PDIA4: variants seen among roughly 807,000 people sequenced by gnomAD.
PDIA4 encodes protein disulfide-isomerase A4.
Under a neutral mutation model 62.1 loss-of-function variants are expected in PDIA4, and 33 were observed. The ratio of observed to expected loss-of-function variants is 0.53; its 90% CI spans 0.40 to 0.71. The LOEUF is 0.71. Ranked by LOEUF, PDIA4 falls within the 30% of genes least tolerant of loss-of-function variation. The pLI is 0.00. For synonymous variants in PDIA4, 341 were observed against 324.1 expected (o/e 1.05, Z -0.56); for missense variants, 804 against 813.6 (o/e 0.99, Z 0.14).
At chr7:149,005,010 G>C (rs1272904872) in intron 9 of PDIA4, 131 bp downstream of exon 9, 6 of 722,668 alleles carry the variant, frequency 8.3e-6, no homozygotes, top group Non-Finnish European at 1.5e-5. Context: ...TCGGGGGTGA[G>C]AGAGGACTGC....
rs1362125608 is a variant in PDIA4, at chr7:149,021,092, A to ACCT, written c.143_144insAGG (p.Asp48delinsGluGly). 4.3e-6 allele frequency: 7 copies of ACCT among 1,611,926 alleles called. No individual in the cohort carries two copies. The highest frequency in any genetic ancestry group is 5.9e-6 in the Non-Finnish European group (7 of 1,178,724). On this transcript the variant is annotated protein_altering_variant, in exon 2 of 10. Coordinates refer to ENST00000652332, the MANE Select transcript of PDIA4 (RefSeq NM_004911.5). ...CCAAGTCGTCTTCTTCCTCATCATC[A>ACCT]TCTTCCTCCTCCTCCTCCTCTTCAT...
intron 8 of PDIA4, 56 bp from the exon 9 acceptor site, chr7:149,005,430 A>C: frequency 8.8e-7 from 1 of 1,134,348 alleles, no homozygotes; most frequent in Non-Finnish European, 1.3e-6. Flanking sequence ...GTCCCAGCTC[A>C]GACTCTGAGG....
Position 149,012,317 on chromosome 7 carries a change from C to A in PDIA4, c.658G>T (p.Ala220Ser). 1.9e-6 allele frequency: 3 copies of A among 1,613,872 alleles called. No homozygotes were observed. Among genetic ancestry groups the A allele is most frequent in the South Asian group, 1.1e-5 (1 of 91,064 alleles). Residue 220 changes from alanine to serine, a missense_variant, in exon 5 of 10, where the codon GCC (alanine) becomes TCC (serine). Physicochemically the swap from Ala to Ser is moderately conservative, Grantham distance 99. Coordinates refer to ENST00000652332, the MANE Select transcript of PDIA4 (RefSeq NM_004911.5). ...KKLAPEYEKA[A>S]KELSKRSPPI... ...GGAGAACGCTTGCTGAGCTCCTTGG[C>A]GGCCTTCTCATACTCGGGGGCAAGT... is the stretch of plus-strand genomic sequence containing the variant.
In PDIA4 at chr7:149,020,996, G is replaced by A. The variant is rs1563123642; in HGVS notation, c.240C>T (p.Asp80=). Residue 80 remains aspartate, a synonymous_variant, in exon 2 of 10, where the codon GAC becomes GAT. Coordinates refer to ENST00000652332, the MANE Select transcript of PDIA4 (RefSeq NM_004911.5). ...ANFDNFVADK[D]TVLLEFYAPW... ...GAGCATAAAACTCCAGCAGCACTGTGTCTTTGTCAGCCACAAAATTATCAA... is the reference window on the plus strand; with the variant it reads ...GAGCATAAAACTCCAGCAGCACTGTATCTTTGTCAGCCACAAAATTATCAA... 1 of 1,614,134 alleles carries A rather than the reference G, an allele frequency of 6.2e-7. No homozygotes were observed. Among genetic ancestry groups the A allele is most frequent in the Non-Finnish European group, 8.5e-7 (1 of 1,180,004 alleles).
intron 2 of PDIA4, 38 bp downstream of exon 2, chr7:149,020,929 C>A (rs188221785): frequency 1.2e-6 from 2 of 1,604,416 alleles, no homozygotes; most frequent in African/African-American, 2.7e-5. Context: ...TGGAGCACAG[C>A]GCTTGTCCAC....
chr7:149,016,304 AAAG>A, intron 3 of PDIA4, among the ~76,000 whole-genome samples: 1 of 152,194 alleles, frequency 6.6e-6, no homozygotes, highest in Non-Finnish European at 1.5e-5. Flanking sequence ...CATCTAAAAT[AAAG>A]AAGTACTCAA....
chr7:149,014,889 C>T lies in PDIA4; in HGVS notation c.614+15G>A. ...CCAGGGTACTGAATATGGAAAGGGC[C>T]TGACACCACCTTACCATGGGGCATA... On this transcript the variant is annotated intron_variant, in intron 4 of 9. Transcript: ENST00000652332. The T allele has an allele frequency of 6.2e-7, 1 of 1,613,460 alleles. No individual in the cohort carries two copies. The highest frequency in any genetic ancestry group is 8.5e-7 in the Non-Finnish European group (1 of 1,179,462).
intron 6 of PDIA4, among the ~76,000 whole-genome samples, chr7:149,008,948 C>T (rs550709317): frequency 2.6e-5 from 4 of 151,716 alleles, no homozygotes; most frequent in East Asian, 3.9e-4. Flanking sequence ...TTATTTGAGA[C>T]GGGGTCTTGC....
intron 6 of PDIA4, among the ~76,000 whole-genome samples, chr7:149,009,845 C>A (rs543971302): frequency 6.6e-6 from 1 of 152,218 alleles, no homozygotes; most frequent in Non-Finnish European, 1.5e-5. Flanking sequence ...CTAGATTCTA[C>A]AGGTAAATGC....
At position 149,020,971 on chromosome 7, in the gene PDIA4, G is replaced by C. The variant is rs988132004; in HGVS notation, c.265C>G (p.Pro89Ala). The C allele has an allele frequency of 1.2e-6, 2 of 1,614,018 alleles. No individual in the cohort carries two copies. The highest frequency in any genetic ancestry group is 1.7e-6 in the Non-Finnish European group (2 of 1,179,900). Residue 89 changes from proline to alanine, a missense_variant, in exon 2 of 10, where the codon CCA becomes GCA. Physicochemically the swap from Pro to Ala is conservative, Grantham distance 27 (BLOSUM62 -1). Transcript: ENST00000652332. ...AAATTAGAACGCGGTCCTTACCATG[G>C]AGCATAAAACTCCAGCAGCACTGTG... ...KDTVLLEFYA[P>A]WCGHCKQFAP...
intron 4 of PDIA4, among the ~76,000 whole-genome samples, chr7:149,013,383 A>C (rs1824019816): frequency 6.6e-6 from 1 of 152,172 alleles, no homozygotes; most frequent in South Asian, 2.1e-4. Flanking sequence ...TTGCAACTTC[A>C]AAACCATTTG....
intron 4 of PDIA4, among the ~76,000 whole-genome samples, chr7:149,014,642 A>C (rs1824066683): frequency 6.6e-6 from 1 of 150,632 alleles, no homozygotes; most frequent in Non-Finnish European, 1.5e-5. Context: ...CACTCCGACC[A>C]CCTCTCTTTC....
At chr7:149,027,219 T>C (rs1824588594) in intron 1 of PDIA4, among the ~76,000 whole-genome samples, 2 of 152,208 alleles carry the variant, frequency 1.3e-5, no homozygotes, top group Admixed American at 6.5e-5. Flanking sequence ...ATAAACACTA[T>C]TTAAACAAAC....
intron 1 of PDIA4, among the ~76,000 whole-genome samples, chr7:149,023,151 G>A (rs1824415772): frequency 1.3e-5 from 2 of 152,162 alleles, no homozygotes; most frequent in South Asian, 4.2e-4. Context: ...CCTGGGCGCA[G>A]GCCCACCTCC....
In PDIA4 at chr7:149,028,010, G is replaced by A. The variant is rs770787136; in HGVS notation, c.88+311C>T. 1.8e-4 allele frequency: 105 copies of A among 581,704 alleles called. 1 individual carries two copies. Among genetic ancestry groups the A allele is most frequent in the Non-Finnish European group, 2.9e-4 (86 of 298,348 alleles). 36.0% of individuals were successfully genotyped at this position (581,704 alleles called of 1,614,324 possible). ...ACGAAAATCTGTAAATTAAGGCGAA[G>A]GACCCAGCTGCAAAAAAGGCGCTCT... is the stretch of plus-strand genomic sequence containing the variant. On this transcript the variant is annotated intron_variant, in intron 1 of 9. Coordinates refer to ENST00000652332, the MANE Select transcript of PDIA4 (RefSeq NM_004911.5).
intron 6 of PDIA4, among the ~76,000 whole-genome samples, chr7:149,008,647 G>T (rs1469408982): frequency 2.6e-5 from 4 of 151,854 alleles, no homozygotes; most frequent in African/African-American, 7.3e-5. Context: ...GGTGGACGTT[G>T]TAGTGAGCCG....
intron 1 of PDIA4, among the ~76,000 whole-genome samples, chr7:149,027,603 C>CT (rs1824602439): frequency 6.6e-6 from 1 of 152,214 alleles, no homozygotes; most frequent in Non-Finnish European, 1.5e-5. Flanking sequence ...GTTCTTATGT[C>CT]TGCAGCTAGC....
Position 149,021,093 on chromosome 7 carries a change from T to C in PDIA4, c.143A>G (p.Asp48Gly). 3 of 1,612,270 alleles carry C rather than the reference T, an allele frequency of 1.9e-6. No homozygotes were observed. The highest frequency in any genetic ancestry group is 2.5e-6 in the Non-Finnish European group (3 of 1,178,794). The stretch of plus-strand genomic sequence containing the variant: ...CAAGTCGTCTTCTTCCTCATCATCA[T>C]CTTCCTCCTCCTCCTCCTCTTCATC... ...IEDEEEEEEE[D>G]DDEEEDDLEV... Residue 48 changes from aspartate (D) to glycine (G), a missense_variant, in exon 2 of 10, where the codon GAT becomes GGT. Physicochemically the swap from Asp to Gly is moderately conservative, Grantham distance 94 (BLOSUM62 -1). Transcript: ENST00000652332.
intron 1 of PDIA4, among the ~76,000 whole-genome samples, chr7:149,027,580 C>T (rs1336703616): frequency 6.6e-6 from 1 of 152,226 alleles, no homozygotes; most frequent in Admixed American, 6.5e-5. Context: ...ATTAGCACTT[C>T]CTAATCTTCA....
Sources: allele counts gnomAD v4.1 joint callset (sites outside exome capture counted in the v4.1 genomes callset), GRCh38; gene constraint gnomAD v4.1.1; transcripts MANE v1.5; gene names NCBI Gene and HGNC (gene_info 2026-07-23, HGNC 2026-07-21).